Variants in TRPM3 observed in about 807,000 individuals in gnomAD.
TRPM3 encodes the protein transient receptor potential cation channel subfamily M member 3.
A neutral mutation model predicts 181.2 loss-of-function variants in TRPM3; 77 were observed. The ratio of observed to expected loss-of-function variants is 0.42; its 90% CI spans 0.35 to 0.51. The LOEUF (loss-of-function observed/expected upper bound fraction) is 0.51. Among genes scored for constraint, TRPM3 ranks in the 20% least tolerant of loss-of-function variants. TRPM3 has a pLI of 0.01. For missense variants in TRPM3, 1,759 were observed against 2,196.7 expected, an observed-to-expected ratio of 0.80 and a Z score of 3.98; for synonymous variants, 745 against 796.4, an observed-to-expected ratio of 0.94 and a Z score of 1.09.
intron 1 of TRPM3, among the ~76,000 whole-genome samples, chr9:71,275,926 C>G (rs971781451): frequency 1.3e-5 from 2 of 151,384 alleles, no homozygotes; most frequent in Non-Finnish European, 2.9e-5. Context: ...ACTGCAAGCT[C>G]CACCTCCCGG....
chr9:70,596,972 T>A (rs10868858), intron 21 of TRPM3, among the ~76,000 whole-genome samples: 83,423 of 151,760 alleles, frequency 0.55, 23,013 homozygotes, highest in Admixed American at 0.63. Context: ...TTAGCTCTTC[T>A]TGCCCAGGCT....
chr9:70,881,097 G>A (rs151167247), intron 1 of TRPM3, among the ~76,000 whole-genome samples: 15 of 152,004 alleles, frequency 9.9e-5, no homozygotes, highest in Admixed American at 9.8e-4. Context: ...TTTTTTAACT[G>A]ATACATATTA....
chr9:71,215,415 G>T (rs769972021), intron 1 of TRPM3, among the ~76,000 whole-genome samples: 1 of 152,148 alleles, frequency 6.6e-6, no homozygotes, highest in South Asian at 2.1e-4. Context: ...AGACTTGGGG[G>T]CTCTGCTTTG....
At chr9:70,946,044 C>G (rs1209735682) in intron 1 of TRPM3, among the ~76,000 whole-genome samples, 3 of 152,142 alleles carry the variant, frequency 2.0e-5, no homozygotes, top group African/African-American at 7.2e-5. Flanking sequence ...AGTTAAGTAT[C>G]CTGTGGATAG....
chr9:71,302,528 A>G (rs909283027), intron 1 of TRPM3, among the ~76,000 whole-genome samples: 7 of 152,226 alleles, frequency 4.6e-5, no homozygotes, highest in Admixed American at 2.6e-4. Context: ...CAGTCATTGT[A>G]TTCCTTGAAG....
intron 1 of TRPM3, among the ~76,000 whole-genome samples, chr9:70,999,444 G>A (rs1325001152): frequency 1.3e-5 from 2 of 152,154 alleles, no homozygotes; most frequent in African/African-American, 4.8e-5. Context: ...AGAATTGGTG[G>A]TATCACCTTG....
chr9:71,134,935 C>T (rs2074671600), intron 1 of TRPM3, among the ~76,000 whole-genome samples: 1 of 152,180 alleles, frequency 6.6e-6, no homozygotes, highest in Non-Finnish European at 1.5e-5. Flanking sequence ...TGAAAACTCA[C>T]TAACCCCTTG....
At chr9:70,764,395 A>G (rs2078703720) in intron 7 of TRPM3, among the ~76,000 whole-genome samples, 1 of 152,200 alleles carries the variant, frequency 6.6e-6, no homozygotes, top group Non-Finnish European at 1.5e-5. Context: ...AATTTTGATA[A>G]CAACTCAAAA....
chr9:71,197,665 T>C (rs1020779625), intron 1 of TRPM3, among the ~76,000 whole-genome samples: 70 of 152,266 alleles, frequency 4.6e-4, no homozygotes, highest in African/African-American at 1.6e-3. Context: ...TACATAAATG[T>C]CTTCTTTTGA....
At chr9:71,295,415 A>G (rs2086175882) in intron 1 of TRPM3, among the ~76,000 whole-genome samples, 1 of 152,116 alleles carries the variant, frequency 6.6e-6, no homozygotes, top group Non-Finnish European at 1.5e-5. Context: ...TTTGTTTTAA[A>G]TGATCATAGG....
At chr9:71,168,628 T>A (rs1335798421) in intron 1 of TRPM3, among the ~76,000 whole-genome samples, 3 of 146,234 alleles carry the variant, frequency 2.1e-5, no homozygotes, top group South Asian at 2.1e-4. Flanking sequence ...TTATTATTTT[T>A]TTATTATTTT....
intron 1 of TRPM3, among the ~76,000 whole-genome samples, chr9:71,316,834 G>A (rs1241024834): frequency 6.6e-6 from 1 of 152,026 alleles, no homozygotes; most frequent in African/African-American, 2.4e-5. Flanking sequence ...AAAGAAAATT[G>A]ATATCACTCA....
chr9:70,591,752 G>A (rs1387821319), intron 21 of TRPM3, among the ~76,000 whole-genome samples: 7 of 152,258 alleles, frequency 4.6e-5, no homozygotes, highest in Admixed American at 2.0e-4. Context: ...GCCTATAAAC[G>A]AAGCTAGGAT....
chr9:71,377,979 T>C (rs1311627267), intron 1 of TRPM3, among the ~76,000 whole-genome samples: 1 of 152,060 alleles, frequency 6.6e-6, no homozygotes, highest in Non-Finnish European at 1.5e-5. Flanking sequence ...TATTCTAGTA[T>C]TGATGGACAT....
intron 22 of TRPM3, among the ~76,000 whole-genome samples, chr9:70,572,415 C>T (rs547962405): frequency 6.6e-6 from 1 of 152,176 alleles, no homozygotes; most frequent in African/African-American, 2.4e-5. Context: ...TTACTATTAG[C>T]TAAACTCCAA....
chr9:70,951,278 A>C (rs2096995728), intron 1 of TRPM3, among the ~76,000 whole-genome samples: 1 of 152,224 alleles, frequency 6.6e-6, no homozygotes, highest in Non-Finnish European at 1.5e-5. Flanking sequence ...ATTTTATTCT[A>C]GTACATTGCT....
chr9:70,999,047 C>T (rs1016341113), intron 1 of TRPM3, among the ~76,000 whole-genome samples: 3 of 152,140 alleles, frequency 2.0e-5, no homozygotes, highest in African/African-American at 7.2e-5. Flanking sequence ...CTTTAAGCTC[C>T]TTGGTTCCTT....
chr9:71,337,725 A>G (rs1023854863), intron 1 of TRPM3, among the ~76,000 whole-genome samples: 3 of 152,202 alleles, frequency 2.0e-5, no homozygotes, highest in African/African-American at 7.2e-5. Flanking sequence ...AATATGGCAA[A>G]TGTACACTAT....
Position 71,200,639 on chromosome 9 carries a change from G to A in TRPM3, c.183+246014C>T, listed in dbSNP as rs2078719791. ...TTACCGTTATGTAATGGCCTTCTCT[G>A]TCTCTTTTGATCTTTGTTGGTTTAA... On this transcript the variant is annotated intron_variant, in intron 1 of 24. Transcript: ENST00000357533. Among the ~76,000 whole-genome samples, 3 of 152,262 alleles carry A rather than the reference G, an allele frequency of 2.0e-5. No homozygotes were observed. In the South Asian group the frequency reaches 6.2e-4, roughly 32 times the overall value.
Sources: gnomAD v4.1 joint callset for allele counts (sites outside exome capture counted in the v4.1 genomes callset) on GRCh38, gnomAD v4.1.1 for gene constraint, MANE v1.5 for transcripts, NCBI Gene and HGNC (gene_info 2026-07-23, HGNC 2026-07-21) for gene names.